The following SRBD1 variants were observed in gnomAD, a reference collection of about 807,000 sequenced individuals.
SRBD1 encodes the protein S1 RNA binding domain 1, also known as S1 RNA-binding domain-containing protein 1.
Under a neutral mutation model 115.3 loss-of-function variants are expected in SRBD1, and 88 were observed. The ratio of observed to expected loss-of-function variants is 0.76; its 90% CI spans 0.64 to 0.91. The LOEUF (loss-of-function observed/expected upper bound fraction) is 0.91. Ranked by LOEUF, SRBD1 falls within the 40% of genes least tolerant of loss-of-function variation. SRBD1 has a pLI of 0.00. For synonymous variants in SRBD1, 509 were observed against 407.7 expected (o/e 1.25, Z -2.99); for missense variants, 1,385 against 1,177.4 (o/e 1.18, Z -2.58).
intron 16 of SRBD1, 90 bp from the exon 17 acceptor site, chr2:45,419,984 A>G: frequency 1.8e-6 from 2 of 1,126,902 alleles, no homozygotes; most frequent in Non-Finnish European, 2.6e-6. Context: ...GTGGTTAGCT[A>G]ACACACACCA....
At chr2:45,595,290 T>A (rs770358421) in intron 4 of SRBD1, among the ~76,000 whole-genome samples, 1 of 152,226 alleles carries the variant, frequency 6.6e-6, no homozygotes, top group Non-Finnish European at 1.5e-5. Flanking sequence ...GAGGACCAAG[T>A]TATCATTGTG....
rs1389426263 is a variant in SRBD1 at position 45,492,491 on chromosome 2, T to C, written c.1875-4160A>G. ...TCTCGTTCTGTCGCCCAGGCTGGAG[T>C]GCAGTGGCGCCATCTCCGCTCACTG... On this transcript the variant is annotated intron_variant, in intron 14 of 20. Coordinates refer to ENST00000263736, the MANE Select transcript of SRBD1 (RefSeq NM_018079.5). Among the ~76,000 whole-genome samples, 4 of 152,282 alleles carry C rather than the reference T, an allele frequency of 2.6e-5. No homozygotes were observed. In the South Asian group the frequency reaches 8.3e-4, roughly 32 times the overall value.
chr2:45,494,356 AATCAT>A (rs1670390940), intron 14 of SRBD1, among the ~76,000 whole-genome samples: 1 of 152,154 alleles, frequency 6.6e-6, no homozygotes, highest in Non-Finnish European at 1.5e-5. Context: ...TTGGTCAGGG[AATCAT>A]ATCAGATAAT....
intron 18 of SRBD1, 120 bp downstream of exon 18, chr2:45,418,245 A>C (rs1667889128): frequency 8.6e-7 from 1 of 1,165,456 alleles, no homozygotes; most frequent in Non-Finnish European, 1.2e-6. Flanking sequence ...CTCAACACTT[A>C]ACTGAATGAA....
At chr2:45,547,743 T>C (rs1672167211) in intron 12 of SRBD1, 131 bp from the exon 13 acceptor site, 1 of 642,674 alleles carries the variant, frequency 1.6e-6, no homozygotes, top group East Asian at 2.9e-5. Context: ...GAACTATTCA[T>C]ATTCACTAAA....
intron 16 of SRBD1, among the ~76,000 whole-genome samples, chr2:45,451,384 A>C (rs1668988261): frequency 6.6e-6 from 1 of 152,084 alleles, no homozygotes; most frequent in African/African-American, 2.4e-5. Flanking sequence ...AAAGGTAATA[A>C]AAATACTGTG....
chr2:45,410,866 T>C (rs1256107740), intron 19 of SRBD1, among the ~76,000 whole-genome samples: 3 of 152,230 alleles, frequency 2.0e-5, no homozygotes, highest in African/African-American at 4.8e-5. Context: ...TATGCCCATG[T>C]AGAAGTTCCA....
At chr2:45,412,364 T>C (rs1450754686) in intron 19 of SRBD1, among the ~76,000 whole-genome samples, 2 of 152,114 alleles carry the variant, frequency 1.3e-5, no homozygotes, top group African/African-American at 4.8e-5. Flanking sequence ...TTCTATAATA[T>C]ACTATAGTCT....
At chr2:45,419,997 G>A (rs2103634801) in intron 16 of SRBD1, 103 bp from the exon 17 acceptor site, 1 of 1,031,974 alleles carries the variant, frequency 9.7e-7, no homozygotes, top group South Asian at 1.4e-5. Flanking sequence ...ACACACCATG[G>A]TAAATTTCTT....
intron 14 of SRBD1, among the ~76,000 whole-genome samples, chr2:45,513,207 A>T (rs1234391341): frequency 6.6e-6 from 1 of 152,154 alleles, no homozygotes; most frequent in Non-Finnish European, 1.5e-5. Context: ...CATGCCAGAG[A>T]GCTGGACAGA....
intron 16 of SRBD1, among the ~76,000 whole-genome samples, chr2:45,472,834 A>G (rs1669691005): frequency 6.6e-6 from 1 of 152,154 alleles, no homozygotes; most frequent in Non-Finnish European, 1.5e-5. Flanking sequence ...AACATGAAAT[A>G]TCTTTCTTTT....
intron 18 of SRBD1, among the ~76,000 whole-genome samples, chr2:45,414,775 TAC>T (rs148197281): frequency 0.01 from 655 of 63,136 alleles, 12 homozygotes; most frequent in South Asian, 0.013. Flanking sequence ...ATATAGTATG[TAC>T]ACACACACAT....
At chr2:45,520,298 T>G (rs1409876504) in intron 14 of SRBD1, among the ~76,000 whole-genome samples, 1 of 152,200 alleles carries the variant, frequency 6.6e-6, no homozygotes, top group Admixed American at 6.5e-5. Context: ...CTGGTTCTAG[T>G]GAGGATGATC....
chr2:45,513,786 G>A (rs1671041840), intron 14 of SRBD1, among the ~76,000 whole-genome samples: 1 of 151,412 alleles, frequency 6.6e-6, no homozygotes, highest in Non-Finnish European at 1.5e-5. Context: ...GTTCAAAACA[G>A]TTTTTTTTTG....
intron 14 of SRBD1, among the ~76,000 whole-genome samples, chr2:45,507,530 G>A (rs1670833899): frequency 6.6e-6 from 1 of 151,820 alleles, no homozygotes; most frequent in African/African-American, 2.4e-5. Context: ...GACCAGCCTG[G>A]CCAACATGAT....
chr2:45,420,642 TC>T (rs554245091), intron 16 of SRBD1, among the ~76,000 whole-genome samples: 52 of 152,214 alleles, frequency 3.4e-4, no homozygotes, highest in Non-Finnish European at 6.2e-4. Context: ...TCCTAAAATT[TC>T]TTCACATTCA....
rs542614264 is a variant in SRBD1, at chr2:45,487,256, G to A, written c.1966+984C>T. Among the ~76,000 whole-genome samples the A allele has an allele frequency of 4.6e-5, 7 of 152,304 alleles. No homozygotes were observed. The East Asian group carries it at 1.3e-3, about 29-fold the overall frequency. On this transcript the variant is annotated intron_variant, in intron 15 of 20. Coordinates refer to ENST00000263736, the MANE Select transcript of SRBD1 (RefSeq NM_018079.5). Reference sequence around the variant, plus strand: ...AAATAAAAGGTCCATTACTAACCAAGTGGTCTAAATATTCACTTATTATAC... The same window carrying A: ...AAATAAAAGGTCCATTACTAACCAAATGGTCTAAATATTCACTTATTATAC...
At chr2:45,465,079 C>G (rs1289999871) in intron 16 of SRBD1, among the ~76,000 whole-genome samples, 1 of 150,014 alleles carries the variant, frequency 6.7e-6, no homozygotes, top group Non-Finnish European at 1.5e-5. Flanking sequence ...GGGATTTTTT[C>G]TAGGACTCCC....
intron 16 of SRBD1, among the ~76,000 whole-genome samples, chr2:45,432,003 G>GTATTTATT (rs3047186): frequency 0.16 from 22,664 of 142,754 alleles, 2,155 homozygotes; most frequent in South Asian, 0.25. Flanking sequence ...AGAGTTAAAA[G>GTATTTATT]TATTTATTTA....
Sources: allele counts gnomAD v4.1 joint callset (sites outside exome capture counted in the v4.1 genomes callset), GRCh38; gene constraint gnomAD v4.1.1; transcripts MANE v1.5; gene names NCBI Gene and HGNC (gene_info 2026-07-23, HGNC 2026-07-21).